The following DNAH14 variants were observed in gnomAD, a reference collection of about 807,000 sequenced individuals.
DNAH14 encodes dynein axonemal heavy chain 14, also known as axonemal beta dynein heavy chain 14.
A neutral mutation model predicts 520.9 loss-of-function variants in DNAH14; 478 were observed. The ratio of observed to expected loss-of-function variants is 0.92; its 90% CI spans 0.85 to 0.99. DNAH14 has a LOEUF of 0.99. Ranked by LOEUF, DNAH14 falls within the 50% of genes least tolerant of loss-of-function variation. The pLI is 0.00. For synonymous variants in DNAH14, 1,581 were observed against 1,757.2 expected, an observed-to-expected ratio of 0.90 and a Z score of 2.51; for missense variants, 4,831 against 5,234.5, an observed-to-expected ratio of 0.92 and a Z score of 2.38.
intron 59 of DNAH14, among the ~76,000 whole-genome samples, 152 bp from the exon 60 acceptor site, chr1:225,308,133 T>C (rs1382527570): frequency 6.6e-6 from 1 of 152,242 alleles, no homozygotes; most frequent in African/African-American, 2.4e-5. Context: ...TATTCATCTC[T>C]TGCTGTCTCT....
At chr1:225,151,951 A>G (rs2080541617) in intron 31 of DNAH14, 54 bp from the exon 32 acceptor site, 3 of 1,413,964 alleles carry the variant, frequency 2.1e-6, no homozygotes, top group African/African-American at 2.9e-5. Flanking sequence ...TAGTTTTAAC[A>G]TGCTTTGGAC....
At chr1:225,070,398 A>G (rs529870107) in intron 17 of DNAH14, among the ~76,000 whole-genome samples, 79 of 152,284 alleles carry the variant, frequency 5.2e-4, no homozygotes, top group African/African-American at 1.9e-3. Context: ...AGATTCTGGT[A>G]CATTGTATAT....
At chr1:225,165,707 C>G (rs1031626677) in intron 35 of DNAH14, among the ~76,000 whole-genome samples, 5 of 151,892 alleles carry the variant, frequency 3.3e-5, no homozygotes, top group Non-Finnish European at 7.4e-5. Context: ...CCTCAGTCCC[C>G]CAAGTAGCTA....
intron 11 of DNAH14, chr1:225,024,336 A>C: frequency 1.2e-6 from 1 of 868,072 alleles, no homozygotes; most frequent in Non-Finnish European, 1.4e-6. Flanking sequence ...ATATTTTCCC[A>C]ATGAAAAAAC....
intron 67 of DNAH14, 69 bp downstream of exon 67, chr1:225,337,565 C>A: frequency 7.9e-7 from 1 of 1,268,950 alleles, no homozygotes; most frequent in South Asian, 1.3e-5. Context: ...AGCATAAAGG[C>A]TAAAAGTTTT....
intron 56 of DNAH14, among the ~76,000 whole-genome samples, chr1:225,302,562 C>A (rs1322199094): frequency 6.6e-6 from 1 of 152,166 alleles, no homozygotes; most frequent in African/African-American, 2.4e-5. Context: ...AAGAAGGAAT[C>A]TGTGCCCTGT....
At chr1:225,123,653 C>T (rs1173014099) in intron 27 of DNAH14, 39 bp downstream of exon 27, 1 of 287,270 alleles carries the variant, frequency 3.5e-6, no homozygotes, top group Admixed American at 4.1e-5. Flanking sequence ...TACAGGGACA[C>T]CTTGGAGATA....
intron 84 of DNAH14, chr1:225,396,654 C>T (rs2096015207): frequency 6.6e-6 from 1 of 152,226 alleles, no homozygotes; most frequent in Admixed American, 6.5e-5. Context: ...CTCTATTCAT[C>T]TAATCAGATG....
intron 46 of DNAH14, among the ~76,000 whole-genome samples, chr1:225,262,200 T>A (rs1186067411): frequency 6.6e-6 from 1 of 151,976 alleles, no homozygotes; most frequent in East Asian, 1.9e-4. Context: ...GTTTTTTTTT[T>A]CTTGCTAATT....
chr1:225,369,665 C>T (rs1452121536), intron 77 of DNAH14, among the ~76,000 whole-genome samples: 4 of 151,992 alleles, frequency 2.6e-5, no homozygotes, highest in Non-Finnish European at 5.9e-5. Context: ...ACAGATAGAT[C>T]GAGAGACTAA....
chr1:225,265,129 A>G, intron 47 of DNAH14, 53 bp from the exon 48 acceptor site: 2 of 1,257,498 alleles, frequency 1.6e-6, no homozygotes, highest in South Asian at 1.9e-5. Flanking sequence ...TAAGGCAAAA[A>G]TGTTCTTAAA....
intron 12 of DNAH14, among the ~76,000 whole-genome samples, chr1:225,041,012 A>C (rs931273309): frequency 6.6e-6 from 1 of 152,242 alleles, no homozygotes; most frequent in African/African-American, 2.4e-5. Flanking sequence ...AGAACCAATA[A>C]GATTCACGCA....
chr1:225,331,763 G>A (rs2094802889), intron 65 of DNAH14, among the ~76,000 whole-genome samples, 186 bp downstream of exon 65: 1 of 152,282 alleles, frequency 6.6e-6, no homozygotes, highest in East Asian at 1.9e-4. Flanking sequence ...TCTCAAAACA[G>A]AAGTAACAGA....
chr1:225,205,781 G>T (rs1197013236), intron 39 of DNAH14, among the ~76,000 whole-genome samples, 190 bp from the exon 40 acceptor site: 2 of 152,156 alleles, frequency 1.3e-5, no homozygotes, highest in Non-Finnish European at 2.9e-5. Flanking sequence ...GCATTATTAA[G>T]TATACTGTAT....
rs146265702 is a variant in DNAH14 at position 225,074,775 on chromosome 1, G to C, written c.2425-4432G>C. Among the ~76,000 whole-genome samples, 199 of 152,248 alleles carry C rather than the reference G, an allele frequency of 1.3e-3. 1 individual carries two copies. In the South Asian group the frequency reaches 0.019, roughly 15 times the overall value. On this transcript the variant is annotated intron_variant, in intron 17 of 85. Coordinates refer to ENST00000682510, the MANE Select transcript of DNAH14 (RefSeq NM_001367479.1). ...GGAATCTCCAAAGCCGCAGGCTATA[G>C]TGGCTAAGTTGCCCAAACAGCAAAC...
intron 36 of DNAH14, among the ~76,000 whole-genome samples, chr1:225,174,855 CCA>C (rs1306282074): frequency 6.6e-6 from 1 of 151,954 alleles, no homozygotes; most frequent in Admixed American, 6.6e-5. Context: ...CCTTCTATGC[CCA>C]GTTTGTTTAA....
At chr1:225,359,263 G>C (rs1030273478) in intron 74 of DNAH14, among the ~76,000 whole-genome samples, 1 of 152,132 alleles carries the variant, frequency 6.6e-6, no homozygotes, top group Non-Finnish European at 1.5e-5. Context: ...TTTATCAATG[G>C]TGATTTTCTG....
Position 225,392,372 on chromosome 1 carries a change from TTTCC to T in DNAH14, c.13413_13416del (p.Ser4472ThrfsTer19). ...GCCCTCACCTTCACCCACCATGTGA[TTTCC>T]AACACCACTGACAAGGATGAGAAGT... On this transcript the variant is annotated frameshift_variant, in exon 84 of 86. Coordinates refer to ENST00000682510, the MANE Select transcript of DNAH14 (RefSeq NM_001367479.1). LOFTEE classifies it high-confidence loss of function. 2 of 1,552,298 alleles carry T rather than the reference TTTCC, an allele frequency of 1.3e-6. No homozygotes were observed. The highest frequency in any genetic ancestry group is 2.4e-5 in the South Asian group (2 of 84,070).
chr1:225,057,940 A>G (rs1243121352), intron 17 of DNAH14, among the ~76,000 whole-genome samples: 1 of 152,168 alleles, frequency 6.6e-6, no homozygotes, highest in African/African-American at 2.4e-5. Flanking sequence ...CCAGTATTTT[A>G]TTGAGGATTT....
Sources: allele counts gnomAD v4.1 joint callset (sites outside exome capture counted in the v4.1 genomes callset), GRCh38; gene constraint gnomAD v4.1.1; transcripts MANE v1.5; gene names NCBI Gene and HGNC (gene_info 2026-07-23, HGNC 2026-07-21).